The following ST6GALNAC3 variants were observed in gnomAD, a reference collection of about 807,000 sequenced individuals.
ST6GALNAC3 encodes the protein alpha-N-acetylgalactosaminide alpha-2,6-sialyltransferase 3.
In ST6GALNAC3, 25 loss-of-function variants were observed where a neutral mutation model predicts 32.7. That is an observed-to-expected ratio of 0.76 (90% confidence interval 0.56 to 1.07). The LOEUF is 1.07. Ranked by LOEUF, ST6GALNAC3 falls within the 50% of genes least tolerant of loss-of-function variation. The pLI, the probability that ST6GALNAC3 is intolerant of heterozygous loss-of-function variation, is 0.00. For synonymous variants in ST6GALNAC3, 129 were observed against 133.1 expected (o/e 0.97, Z 0.21); for missense variants, 355 against 382.4 (o/e 0.93, Z 0.60).
chr1:76,280,952 A>G (rs576903787), intron 1 of ST6GALNAC3, among the ~76,000 whole-genome samples: 2 of 152,342 alleles, frequency 1.3e-5, no homozygotes, highest in African/African-American at 4.8e-5. Context: ...TCTGTCAAAC[A>G]TTTATATTAT....
chr1:76,097,727 TTATC>T lies in ST6GALNAC3; in HGVS notation c.18+22848_18+22851del, dbSNP rs111708494. Among the ~76,000 whole-genome samples, 970 of 152,316 alleles carry T rather than the reference TTATC, an allele frequency of 6.4e-3. 13 individuals carry two copies. Among genetic ancestry groups the T allele is most frequent in the African/African-American group, 0.022 (920 of 41,562 alleles). ...TTTCATTATAGGAATATTCCACTAT[TTATC>T]TATCCATTTGGCCATTGATGCATAT... On this transcript the variant is annotated intron_variant, in intron 1 of 4. Coordinates refer to ENST00000328299, the MANE Select transcript of ST6GALNAC3 (RefSeq NM_152996.4).
chr1:76,083,978 AAATT>A (rs2100729957), intron 1 of ST6GALNAC3, among the ~76,000 whole-genome samples: 1 of 152,372 alleles, frequency 6.6e-6, no homozygotes, highest in South Asian at 2.1e-4. Flanking sequence ...TTTAAAAGGT[AAATT>A]AATTAAAATG....
intron 1 of ST6GALNAC3, among the ~76,000 whole-genome samples, chr1:76,196,074 G>T (rs1451280635): frequency 6.6e-6 from 1 of 152,196 alleles, no homozygotes. Context: ...GGGAATATAA[G>T]AGTATTATTA....
At chr1:76,117,089 C>T (rs1648529598) in intron 1 of ST6GALNAC3, among the ~76,000 whole-genome samples, 1 of 152,092 alleles carries the variant, frequency 6.6e-6, no homozygotes, top group Non-Finnish European at 1.5e-5. Context: ...GTTTTCTGTC[C>T]CCACTTTCTG....
chr1:76,249,874 A>C (rs56401231), intron 1 of ST6GALNAC3, among the ~76,000 whole-genome samples: 1 of 152,042 alleles, frequency 6.6e-6, no homozygotes, highest in Admixed American at 6.6e-5. Flanking sequence ...ACATCTTTTC[A>C]TGTGTTTATT....
intron 1 of ST6GALNAC3, among the ~76,000 whole-genome samples, chr1:76,112,899 G>A (rs1258347409): frequency 7.2e-5 from 11 of 151,850 alleles, no homozygotes; most frequent in Non-Finnish European, 1.2e-4. Flanking sequence ...GACGATGGGC[G>A]GCCAGGCAGA....
At chr1:76,426,490 G>A (rs1655395453) in intron 3 of ST6GALNAC3, among the ~76,000 whole-genome samples, 1 of 151,508 alleles carries the variant, frequency 6.6e-6, no homozygotes, top group East Asian at 1.9e-4. Flanking sequence ...TCCTATGATA[G>A]CAATGCCTTC....
chr1:76,113,211 CGCCTGCAATCGCAGGCACTCGGCAG>C (rs1648201775), intron 1 of ST6GALNAC3, among the ~76,000 whole-genome samples: 1 of 151,940 alleles, frequency 6.6e-6, no homozygotes, highest in African/African-American at 2.4e-5. Context: ...TGGCGGCGCG[CGCCTGCAATCGCAGGCACTCGGCAG>C]GCTGAGGCAG....
chr1:76,594,827 A>G (rs1407207920), intron 3 of ST6GALNAC3, among the ~76,000 whole-genome samples: 1 of 152,208 alleles, frequency 6.6e-6, no homozygotes, highest in East Asian at 1.9e-4. Context: ...ATAAGAGAAT[A>G]TAATACACCA....
At chr1:76,396,345 G>A (rs1195282367) in intron 2 of ST6GALNAC3, among the ~76,000 whole-genome samples, 2 of 152,146 alleles carry the variant, frequency 1.3e-5, no homozygotes, top group Admixed American at 6.5e-5. Context: ...TGCGCCTGTA[G>A]TCCCAGCTAC....
At chr1:76,393,157 T>A (rs1469746367) in intron 2 of ST6GALNAC3, among the ~76,000 whole-genome samples, 2 of 152,206 alleles carry the variant, frequency 1.3e-5, no homozygotes, top group African/African-American at 2.4e-5. Context: ...TTTCAAATGT[T>A]TTAAAGTAAA....
chr1:76,440,286 A>G (rs751021280), intron 3 of ST6GALNAC3, among the ~76,000 whole-genome samples: 16 of 152,238 alleles, frequency 1.1e-4, no homozygotes, highest in Admixed American at 2.0e-4. Flanking sequence ...CAGAAAGGGC[A>G]TATGTGTCAG....
chr1:76,408,456 C>A (rs1161870337), intron 2 of ST6GALNAC3, among the ~76,000 whole-genome samples: 2 of 152,068 alleles, frequency 1.3e-5, no homozygotes, highest in Non-Finnish European at 2.9e-5. Flanking sequence ...ATACTCTACC[C>A]AATGACATAT....
At chr1:76,210,042 CGT>C (rs1491499040) in intron 1 of ST6GALNAC3, among the ~76,000 whole-genome samples, 1 of 54,680 alleles carries the variant, frequency 1.8e-5, no homozygotes, top group African/African-American at 4.4e-5. Context: ...ATTAGAGCTG[CGT>C]TTTTTTTTTT....
At chr1:76,365,743 T>A (rs2101064188) in intron 2 of ST6GALNAC3, among the ~76,000 whole-genome samples, 1 of 152,314 alleles carries the variant, frequency 6.6e-6, no homozygotes, top group South Asian at 2.1e-4. Flanking sequence ...AGCATGGCCT[T>A]TCAATTTTTC....
intron 3 of ST6GALNAC3, among the ~76,000 whole-genome samples, chr1:76,456,980 A>C (rs1657860128): frequency 6.6e-6 from 1 of 152,080 alleles, no homozygotes; most frequent in African/African-American, 2.4e-5. Flanking sequence ...AAATCTCCTT[A>C]AGCTGATAAG....
intron 3 of ST6GALNAC3, among the ~76,000 whole-genome samples, chr1:76,531,778 C>G (rs553860504): frequency 6.6e-6 from 1 of 152,058 alleles, no homozygotes; most frequent in Non-Finnish European, 1.5e-5. Flanking sequence ...AACTTCATGA[C>G]GTGGGAGGTC....
At chr1:76,398,179 T>C (rs1653130247) in intron 2 of ST6GALNAC3, among the ~76,000 whole-genome samples, 1 of 152,178 alleles carries the variant, frequency 6.6e-6, no homozygotes, top group Non-Finnish European at 1.5e-5. Flanking sequence ...GAGAGTCTTC[T>C]AAATAATTTC....
At chr1:76,176,833 T>G (rs1174510261) in intron 1 of ST6GALNAC3, among the ~76,000 whole-genome samples, 1 of 152,160 alleles carries the variant, frequency 6.6e-6, no homozygotes, top group Non-Finnish European at 1.5e-5. Flanking sequence ...GAATTTTAGT[T>G]TTATAAAAGA....
Sources: allele counts gnomAD v4.1 joint callset (sites outside exome capture counted in the v4.1 genomes callset), GRCh38; gene constraint gnomAD v4.1.1; transcripts MANE v1.5; gene names NCBI Gene and HGNC (gene_info 2026-07-23, HGNC 2026-07-21).